ZMIZ2: variants seen among roughly 807,000 people sequenced by gnomAD.
ZMIZ2 encodes zinc finger MIZ domain-containing protein 2.
In ZMIZ2, 26 loss-of-function variants were observed where a neutral mutation model predicts 93.9. The observed-to-expected ratio is 0.28, with a 90% CI of 0.20 to 0.38. The LOEUF (loss-of-function observed/expected upper bound fraction) is 0.38. ZMIZ2 is among the 10% of genes least tolerant of loss of function. The pLI is 1.00. For synonymous variants in ZMIZ2, 485 were observed against 516.4 expected (o/e 0.94, Z 0.82); for missense variants, 1,023 against 1,235.0 (o/e 0.83, Z 2.57).
chr7:44,762,370 C>A (rs983529614), intron 11 of ZMIZ2, among the ~76,000 whole-genome samples: 1 of 152,194 alleles, frequency 6.6e-6, no homozygotes, highest in Non-Finnish European at 1.5e-5. Context: ...CCCGGCTGAT[C>A]AAGCATTACC....
At chr7:44,754,801 T>C (rs1488721936) in intron 1 of ZMIZ2, among the ~76,000 whole-genome samples, 2 of 152,150 alleles carry the variant, frequency 1.3e-5, no homozygotes, top group African/African-American at 4.8e-5. Context: ...AAGGGAGTAG[T>C]ATCCAAGGCG....
chr7:44,759,084 T>TAAAAAAAAAA (rs71563954), intron 6 of ZMIZ2, among the ~76,000 whole-genome samples, 197 bp from the exon 7 acceptor site: 10 of 97,494 alleles, frequency 1.0e-4, no homozygotes, highest in African/African-American at 4.2e-4. Flanking sequence ...TGTCTCAAAT[T>TAAAAAAAAAA]AAAAAAAAAA....
In ZMIZ2 at chr7:44,761,395, C is replaced by A; in HGVS notation, c.1241-54C>A. The A allele has an allele frequency of 3.8e-6, 6 of 1,591,810 alleles. No homozygotes were observed. The highest frequency in any genetic ancestry group is 5.1e-6 in the Non-Finnish European group (6 of 1,172,684). On this transcript the variant is annotated intron_variant, in intron 9 of 18. Transcript: ENST00000309315. The surrounding 1 kb of genome is among the most constrained non-coding windows in gnomAD (Gnocchi z 5.8). ...GAGCCGCTGCCCTCCTTGAGTGACA[C>A]AAGACGCTCTGGCTGGGGCAACCCA...
At chr7:44,764,526 T>G (rs1583654249) in intron 14 of ZMIZ2, 40 bp downstream of exon 14, 1 of 1,607,924 alleles carries the variant, frequency 6.2e-7, no homozygotes. Context: ...GAGGGGCTGG[T>G]GCTTTTAGAG....
chr7:44,765,252 A>G lies in ZMIZ2; in HGVS notation c.1998-83A>G. The G allele has an allele frequency of 1.3e-6, 2 of 1,579,630 alleles. No individual in the cohort carries two copies. The highest frequency in any genetic ancestry group is 3.4e-5 in the Admixed American group (2 of 58,602). On this transcript the variant is annotated intron_variant, in intron 15 of 18. Transcript: ENST00000309315. This position sits in a 1 kb window ranked among gnomAD's most constrained non-coding sequence, Gnocchi z 4.1. ...ATTTGAGTGGGGGAACCTGCCTGGA[A>G]ACAGCCCAGGGCTGGGAGGGGCAGT... is the stretch of plus-strand genomic sequence containing the variant.
rs1351258554 is a variant in ZMIZ2 at position 44,761,629 on chromosome 7, G to C, written c.1385+36G>C. The C allele has an allele frequency of 6.2e-7, 1 of 1,613,206 alleles. No homozygotes were observed. Among genetic ancestry groups the C allele is most frequent in the Non-Finnish European group, 8.5e-7 (1 of 1,179,590 alleles). ...CCTGGCCCCCACCTGACCCCCACGA[G>C]GCTCTGTTCCTCCTCCCACACTCTC... On this transcript the variant is annotated intron_variant, in intron 10 of 18. Transcript: ENST00000309315. This position sits in a 1 kb window ranked among gnomAD's most constrained non-coding sequence, Gnocchi z 5.8.
In ZMIZ2 at chr7:44,765,694, A is replaced by G; in HGVS notation, c.2242+115A>G. ...GCTATGCAGGTCACACACCTAGGTT[A>G]TCAGTGTTGCCACACAAAACATGCC... On this transcript the variant is annotated intron_variant, in intron 16 of 18. Coordinates refer to ENST00000309315, the MANE Select transcript of ZMIZ2 (RefSeq NM_031449.4). This position sits in a 1 kb window ranked among gnomAD's most constrained non-coding sequence, Gnocchi z 4.1. The G allele has an allele frequency of 7.0e-7, 1 of 1,431,870 alleles. No homozygotes were observed. The highest frequency in any genetic ancestry group is 1.4e-5 in the African/African-American group (1 of 70,830). The allele number at this position is 1,431,870 out of a possible 1,614,324, so 88.7% of individuals were successfully genotyped here.
chr7:44,757,328 G>C, intron 4 of ZMIZ2, 50 bp from the exon 5 acceptor site: 1 of 1,582,004 alleles, frequency 6.3e-7, no homozygotes, highest in Non-Finnish European at 8.6e-7. Flanking sequence ...GCACAGTCCT[G>C]GCCCTCATGA....
At chr7:44,758,874 A>G (rs1489513360) in intron 6 of ZMIZ2, among the ~76,000 whole-genome samples, 2 of 147,948 alleles carry the variant, frequency 1.4e-5, no homozygotes, top group Non-Finnish European at 3.0e-5. Context: ...AGATCATGCC[A>G]CTGCACTCCA....
chr7:44,764,588 G>T, intron 14 of ZMIZ2, 102 bp downstream of exon 14: 1 of 1,342,594 alleles, frequency 7.4e-7, no homozygotes, highest in Non-Finnish European at 1.0e-6. Flanking sequence ...GAGCCTGCTG[G>T]GAGGAGTCAC....
intron 14 of ZMIZ2, 138 bp downstream of exon 14, chr7:44,764,624 A>C: frequency 1.0e-6 from 1 of 977,792 alleles, no homozygotes; most frequent in Non-Finnish European, 1.5e-6. Flanking sequence ...TGTGCAGCTC[A>C]GCGCAGAGAG....
chr7:44,761,696 C>T lies in ZMIZ2; in HGVS notation c.1387C>T (p.Pro463Ser), dbSNP rs1047990345. Residue 463 changes from proline (P) to serine (S), a missense_variant and splice_region_variant, in exon 11 of 19, where the codon CCT (proline) becomes TCT (serine). Transcript: ENST00000309315. The surrounding 1 kb of genome is among the most constrained non-coding windows in gnomAD (Gnocchi z 5.8). ...DSVYKTLIMRPDLELQFKCYH... is the reference protein window; with the variant it reads ...DSVYKTLIMRSDLELQFKCYH... ...GTGTCCACCCATCTTCCTGAGCAGG[C>T]CTGACCTGGAGCTGCAATTCAAGTG... 1.9e-6 allele frequency: 3 copies of T among 1,614,030 alleles called. No homozygotes were observed. Among genetic ancestry groups the T allele is most frequent in the Non-Finnish European group, 2.5e-6 (3 of 1,180,002 alleles).
rs905199176 is a variant in ZMIZ2 at position 44,763,964 on chromosome 7, C to G, written c.1861-455C>G. ...CCAGCCTGGCCAGCATGGTGAAACCCTGTCTCTACTAAAATTACAAAAATT... is the reference window on the plus strand; with the variant it reads ...CCAGCCTGGCCAGCATGGTGAAACCGTGTCTCTACTAAAATTACAAAAATT... On this transcript the variant is annotated intron_variant, in intron 13 of 18. Transcript: ENST00000309315. This position sits in a 1 kb window ranked among gnomAD's most constrained non-coding sequence, Gnocchi z 5.6. 6.6e-6 allele frequency among the ~76,000 whole-genome samples: 1 copy of G among 152,176 alleles called. No individual in the cohort carries two copies. The highest frequency in any genetic ancestry group is 2.4e-5 in the African/African-American group (1 of 41,460).
rs1554326488 is a variant in ZMIZ2 at position 44,766,733 on chromosome 7, G to A, written c.2655+70G>A. On this transcript the variant is annotated intron_variant, in intron 18 of 18. Coordinates refer to ENST00000309315, the MANE Select transcript of ZMIZ2 (RefSeq NM_031449.4). This position sits in a 1 kb window ranked among gnomAD's most constrained non-coding sequence, Gnocchi z 4.4. ...TAGAGGTGGTGTGTCTGTTCCAGGT[G>A]CGTTCTGGAAGGGAAGACAGTGACC... is the stretch of plus-strand genomic sequence containing the variant. 7 of 1,584,764 alleles carry A rather than the reference G, an allele frequency of 4.4e-6. No homozygotes were observed. The highest frequency in any genetic ancestry group is 2.3e-5 in the East Asian group (1 of 44,366).
intron 11 of ZMIZ2, among the ~76,000 whole-genome samples, chr7:44,762,562 A>G (rs1364807418): frequency 6.6e-6 from 1 of 152,218 alleles, no homozygotes; most frequent in Non-Finnish European, 1.5e-5. Flanking sequence ...AGCAGGGGGA[A>G]CGTTCAAGGG....
chr7:44,750,279 T>C (rs191114296), intron 1 of ZMIZ2, among the ~76,000 whole-genome samples: 2 of 152,334 alleles, frequency 1.3e-5, no homozygotes, highest in African/African-American at 2.4e-5. Context: ...CCATTGCTTA[T>C]TCCTGGACTT....
In ZMIZ2 at chr7:44,763,084, C is replaced by T; in HGVS notation, c.1702+98C>T. On this transcript the variant is annotated intron_variant, in intron 12 of 18. Coordinates refer to ENST00000309315, the MANE Select transcript of ZMIZ2 (RefSeq NM_031449.4). This position sits in a 1 kb window ranked among gnomAD's most constrained non-coding sequence, Gnocchi z 5.6. ...TTGTGGGCACCTCCTCGTGTCACAC[C>T]AGGCCTTCTCCTTGGACAGGTGGCT... 6.9e-7 allele frequency: 1 copy of T among 1,447,132 alleles called. No individual in the cohort carries two copies. The highest frequency in any genetic ancestry group is 1.4e-5 in the African/African-American group (1 of 71,526). 89.6% of individuals were successfully genotyped at this position (1,447,132 alleles called of 1,614,324 possible). A position where few individuals can be genotyped will look rare whatever the true frequency, so the allele number is the denominator to read the frequency against.
Position 44,765,617 on chromosome 7 carries a change from C to A in ZMIZ2, c.2242+38C>A. 1 of 1,577,572 alleles carries A rather than the reference C, an allele frequency of 6.3e-7. No homozygotes were observed. Among genetic ancestry groups the A allele is most frequent in the South Asian group, 1.1e-5 (1 of 89,382 alleles). ...GGCTAGCCTTGAACCTCAGATGACC[C>A]TGGGCATATGGCTCCTCTCCCCAGA... On this transcript the variant is annotated intron_variant, in intron 16 of 18. Coordinates refer to ENST00000309315, the MANE Select transcript of ZMIZ2 (RefSeq NM_031449.4). The surrounding 1 kb of genome is among the most constrained non-coding windows in gnomAD (Gnocchi z 4.1).
At chr7:44,758,505 C>T (rs1376119398) in intron 6 of ZMIZ2, among the ~76,000 whole-genome samples, 2 of 150,184 alleles carry the variant, frequency 1.3e-5, no homozygotes, top group African/African-American at 4.9e-5. Context: ...GCCGGGCATG[C>T]TGTCTCATGC....
Sources: gnomAD v4.1 joint callset for allele counts (sites outside exome capture counted in the v4.1 genomes callset) on GRCh38, gnomAD v4.1.1 for gene constraint, Gnocchi (gnomAD v3.1) non-coding constraint, MANE v1.5 for transcripts, NCBI Gene and HGNC (gene_info 2026-07-23, HGNC 2026-07-21) for gene names.